Variants in BNC2 observed in about 807,000 individuals in gnomAD.
BNC2 encodes zinc finger protein basonuclin-2.
A neutral mutation model predicts 76.3 loss-of-function variants in BNC2; 20 were observed. The observed-to-expected ratio is 0.26, with a 90% CI of 0.18 to 0.38. BNC2 has a LOEUF of 0.38. Among genes scored for constraint, BNC2 ranks in the 10% least tolerant of loss-of-function variants. The pLI, the probability that BNC2 is intolerant of heterozygous loss-of-function variation, is 1.00. For synonymous variants in BNC2, 582 were observed against 514.8 expected (o/e 1.13, Z -1.77); for missense variants, 1,382 against 1,399.8 (o/e 0.99, Z 0.20).
intron 5 of BNC2, among the ~76,000 whole-genome samples, chr9:16,525,730 T>C (rs1295092716): frequency 6.6e-6 from 1 of 152,222 alleles, no homozygotes; most frequent in African/African-American, 2.4e-5. Flanking sequence ...TATTATTAAG[T>C]GAAAAAGGAA....
intron 3 of BNC2, among the ~76,000 whole-genome samples, chr9:16,635,458 T>G (rs1821295664): frequency 6.6e-6 from 1 of 152,224 alleles, no homozygotes; most frequent in South Asian, 2.1e-4. Flanking sequence ...TTATAATACT[T>G]TTGAATACCT....
In BNC2 at chr9:16,829,488, T is replaced by C. The variant is rs374817664; in HGVS notation, c.3+41158A>G. Among the ~76,000 whole-genome samples, 551 of 152,140 alleles carry C rather than the reference T, an allele frequency of 3.6e-3. 1 individual carries two copies. The highest frequency in any genetic ancestry group is 0.012 in the African/African-American group (481 of 41,532). On this transcript the variant is annotated intron_variant, in intron 1 of 6. Transcript: ENST00000380672. ...TTCACAAGTTGGACAAGTGGGTTGG[T>C]TCCCTAACCCAAAACATTTTTTAAA...
At chr9:16,623,386 T>G (rs1240918558) in intron 3 of BNC2, among the ~76,000 whole-genome samples, 1 of 152,192 alleles carries the variant, frequency 6.6e-6, no homozygotes, top group Non-Finnish European at 1.5e-5. Context: ...TGACGTTATA[T>G]TCTATGTATC....
chr9:16,495,173 C>T (rs189495145), intron 5 of BNC2, among the ~76,000 whole-genome samples: 1 of 152,034 alleles, frequency 6.6e-6, no homozygotes, highest in Non-Finnish European at 1.5e-5. Context: ...AAATCATCAG[C>T]CTCTATCTAA....
intron 3 of BNC2, among the ~76,000 whole-genome samples, chr9:16,601,277 GAGA>G (rs1397451662): frequency 1.3e-5 from 2 of 152,232 alleles, no homozygotes; most frequent in South Asian, 2.1e-4. Flanking sequence ...TGCACAACCC[GAGA>G]AGAAGTGCCT....
At chr9:16,576,752 T>C (rs1239108799) in intron 4 of BNC2, among the ~76,000 whole-genome samples, 1 of 152,256 alleles carries the variant, frequency 6.6e-6, no homozygotes, top group Non-Finnish European at 1.5e-5. Context: ...TTTGTTGTTG[T>C]TGTTGAGATG....
At chr9:16,526,473 T>TA (rs1817806415) in intron 5 of BNC2, among the ~76,000 whole-genome samples, 1 of 140,592 alleles carries the variant, frequency 7.1e-6, no homozygotes, top group Non-Finnish European at 1.5e-5. Flanking sequence ...AATGCTTTTT[T>TA]TTTTTTTTTT....
At chr9:16,697,415 T>C (rs1347044321) in intron 3 of BNC2, among the ~76,000 whole-genome samples, 2 of 151,052 alleles carry the variant, frequency 1.3e-5, no homozygotes, top group African/African-American at 4.9e-5. Flanking sequence ...TGTCAACATA[T>C]GCTGAAATCT....
intron 1 of BNC2, among the ~76,000 whole-genome samples, chr9:16,815,063 T>C (rs7850557): frequency 1.2e-3 from 190 of 152,230 alleles, no homozygotes; most frequent in African/African-American, 3.9e-3. Flanking sequence ...ATAATAATGA[T>C]ATATAATCAG....
In BNC2 at chr9:16,760,696, A is replaced by T. The variant is rs1023267432; in HGVS notation, c.4-22211T>A. Among the ~76,000 whole-genome samples, 24 of 152,206 alleles carry T rather than the reference A, an allele frequency of 1.6e-4. 1 individual carries two copies. The highest frequency in any genetic ancestry group is 4.6e-4 in the African/African-American group (19 of 41,460). On this transcript the variant is annotated intron_variant, in intron 1 of 6. Coordinates refer to ENST00000380672, the MANE Select transcript of BNC2 (RefSeq NM_017637.6). ...ACCATGTAAGAAATCAACAAAAATC[A>T]TCATAGTCCAATGAGTCATTTGTGA...
chr9:16,612,513 A>G (rs1490112052), intron 3 of BNC2, among the ~76,000 whole-genome samples: 1 of 152,186 alleles, frequency 6.6e-6, no homozygotes, highest in Non-Finnish European at 1.5e-5. Flanking sequence ...ATATGACAAG[A>G]TCCCCTCACC....
In BNC2 at chr9:16,780,235, C is replaced by CAAAA. The variant is rs372583425; in HGVS notation, c.4-41754_4-41751dup. Among the ~76,000 whole-genome samples, 105 of 66,258 alleles carry CAAAA rather than the reference C, an allele frequency of 1.6e-3. 4 individuals carry two copies. Among genetic ancestry groups the CAAAA allele is most frequent in the Non-Finnish European group, 2.0e-3 (75 of 36,816 alleles). The allele number at this position is 66,258 out of a possible 152,430, so 43.5% of individuals were successfully genotyped here. On this transcript the variant is annotated intron_variant, in intron 1 of 6. Coordinates refer to ENST00000380672, the MANE Select transcript of BNC2 (RefSeq NM_017637.6). ...TGGGTGACAGAGCAAGACTTCGTTT[C>CAAAA]AAAAAAAAAAAAAAAAAAAAACAAA... is the stretch of plus-strand genomic sequence containing the variant.
At chr9:16,482,295 C>A (rs979786257) in intron 5 of BNC2, among the ~76,000 whole-genome samples, 1 of 152,132 alleles carries the variant, frequency 6.6e-6, no homozygotes, top group Admixed American at 6.5e-5. Flanking sequence ...AATAGTACTA[C>A]AGCAGATTTA....
At chr9:16,685,610 C>A (rs750295460) in intron 3 of BNC2, 1 of 1,304,254 alleles carries the variant, frequency 7.7e-7, no homozygotes, top group South Asian at 1.2e-5. Flanking sequence ...AGCACTCTGC[C>A]AGTACATGCC....
chr9:16,791,226 T>C (rs1342861781), intron 1 of BNC2, among the ~76,000 whole-genome samples: 2 of 152,068 alleles, frequency 1.3e-5, no homozygotes, highest in Non-Finnish European at 1.5e-5. Context: ...CATGCCTGGC[T>C]AATTTTTTGT....
chr9:16,779,405 G>A (rs184718220), intron 1 of BNC2, among the ~76,000 whole-genome samples: 1 of 151,912 alleles, frequency 6.6e-6, no homozygotes, highest in East Asian at 1.9e-4. Context: ...AGATCCTACT[G>A]ATTGATGTGC....
chr9:16,830,939 T>C (rs1818564446), intron 1 of BNC2, among the ~76,000 whole-genome samples: 2 of 152,224 alleles, frequency 1.3e-5, no homozygotes, highest in South Asian at 4.1e-4. Context: ...TTCTGCCTTC[T>C]AGAAATTGGA....
intron 1 of BNC2, among the ~76,000 whole-genome samples, chr9:16,771,061 C>A (rs1284038909): frequency 2.0e-5 from 3 of 152,058 alleles, no homozygotes; most frequent in Non-Finnish European, 4.4e-5. Flanking sequence ...CCCAGCTACT[C>A]AGGAGGCTAA....
At chr9:16,702,848 T>A (rs988549978) in intron 3 of BNC2, among the ~76,000 whole-genome samples, 3 of 152,158 alleles carry the variant, frequency 2.0e-5, no homozygotes, top group African/African-American at 7.2e-5. Flanking sequence ...AAAATAAAGG[T>A]CAGGGATAAA....
Sources: gnomAD v4.1 joint callset for allele counts (sites outside exome capture counted in the v4.1 genomes callset) on GRCh38, gnomAD v4.1.1 for gene constraint, MANE v1.5 for transcripts, NCBI Gene and HGNC (gene_info 2026-07-23, HGNC 2026-07-21) for gene names.